Variants in CR1L observed in about 807,000 individuals in gnomAD.
CR1L encodes complement component receptor 1-like protein.
CR1L carries 59 observed loss-of-function variants against 62.3 expected under a neutral mutation model. That is an observed-to-expected ratio of 0.95 (90% CI 0.77 to 1.18). The LOEUF (loss-of-function observed/expected upper bound fraction) is 1.18, where lower values mean the gene tolerates loss of function less well. CR1L is among the 50% of genes most tolerant of loss of function. The probability of loss-of-function intolerance (pLI) is 0.00; values close to 1 mark genes in which losing one functional copy is unlikely to be tolerated. For missense variants in CR1L, 700 were observed against 702.8 expected, an observed-to-expected ratio of 1.00 and a Z score of 0.04; for synonymous variants, 279 against 248.7, an observed-to-expected ratio of 1.12 and a Z score of -1.15.
At chr1:207,650,280 C>A (rs763866946) in intron 1 of CR1L, among the ~76,000 whole-genome samples, 32 of 152,268 alleles carry the variant, frequency 2.1e-4, no homozygotes, top group Non-Finnish European at 4.0e-4. Context: ...ACAGACTCAT[C>A]AGGGATATTA....
chr1:207,673,857 T>C (rs1163065847), intron 1 of CR1L, among the ~76,000 whole-genome samples: 1 of 152,210 alleles, frequency 6.6e-6, no homozygotes, highest in African/African-American at 2.4e-5. Flanking sequence ...ACAAAAAGAC[T>C]TGTACATGAA....
intron 1 of CR1L, chr1:207,655,218 T>A: frequency 2.9e-6 from 2 of 685,948 alleles, no homozygotes; most frequent in Non-Finnish European, 5.1e-6. Flanking sequence ...AGAAATTCTA[T>A]ATTGTGAACT....
chr1:207,682,382 G>A (rs1167782762), intron 3 of CR1L, among the ~76,000 whole-genome samples: 1 of 152,128 alleles, frequency 6.6e-6, no homozygotes, highest in African/African-American at 2.4e-5. Context: ...TGAGGCAGGA[G>A]AATCACTTGA....
At chr1:207,652,698 TCA>T in intron 1 of CR1L, 1 of 930,774 alleles carries the variant, frequency 1.1e-6, no homozygotes, top group Non-Finnish European at 1.8e-6. Flanking sequence ...GTGATCGGAA[TCA>T]CACATGGCTA....
chr1:207,652,441 A>ATAAAT (rs1259283421), intron 1 of CR1L: 3 of 705,268 alleles, frequency 4.3e-6, no homozygotes, highest in Non-Finnish European at 7.7e-6. Context: ...AATCTTGCCA[A>ATAAAT]GGGCCTTCCT....
chr1:207,704,053 T>A (rs557148940), intron 9 of CR1L, among the ~76,000 whole-genome samples: 2 of 152,358 alleles, frequency 1.3e-5, no homozygotes, highest in South Asian at 4.1e-4. Flanking sequence ...ACAAAGTAAG[T>A]TGAAAACTGC....
In CR1L at chr1:207,668,544, ATTGG is replaced by A. The variant is rs577906612; in HGVS notation, c.98-8842_98-8839del. On this transcript the variant is annotated intron_variant, in intron 1 of 11. Coordinates refer to ENST00000508064, the MANE Select transcript of CR1L (RefSeq NM_175710.2). ...GAGAGACAATGGGAGATGGAGAGAG[ATTGG>A]TTAAAGGGCACAGGGTCACAGATAC... Among the ~76,000 whole-genome samples the A allele has an allele frequency of 3.1e-3, 461 of 150,990 alleles. 5 individuals carry two copies. Among genetic ancestry groups the A allele is most frequent in the Non-Finnish European group, 5.1e-3 (350 of 67,996 alleles).
At position 207,677,430 on chromosome 1, in the gene CR1L, A is replaced by G; in HGVS notation, c.139A>G (p.Thr47Ala). Residue 47 changes from threonine (T) to alanine (A), a missense_variant, in exon 2 of 12, where the codon ACC becomes GCC. Coordinates refer to ENST00000508064, the MANE Select transcript of CR1L (RefSeq NM_175710.2). ...VPEWLPFARP[T>A]NLTDDFEFPI... ...GGAATGGCTTCCATTTGCCAGGCCT[A>G]CCAACCTAACTGATGACTTTGAGTT... 6.2e-7 allele frequency: 1 copy of G among 1,613,010 alleles called. No homozygotes were observed. The highest frequency in any genetic ancestry group is 8.5e-7 in the Non-Finnish European group (1 of 1,179,710).
At chr1:207,697,409 T>C in intron 5 of CR1L, 94 bp from the exon 6 acceptor site, 1 of 1,607,788 alleles carries the variant, frequency 6.2e-7, no homozygotes. Flanking sequence ...TTTTGTTACA[T>C]ATAGATTTGT....
In CR1L at chr1:207,684,984, A is replaced by G. The variant is rs568341789; in HGVS notation, c.463+1027A>G. ...ATTGGTCACACATTTATTGCTGTTT[A>G]TCCACTTTAAGAAACAGTTTTGCTA... On this transcript the variant is annotated intron_variant, in intron 4 of 11. Transcript: ENST00000508064. Among the ~76,000 whole-genome samples the G allele has an allele frequency of 4.6e-5, 7 of 152,310 alleles. No individual in the cohort carries two copies. The East Asian group carries it at 1.3e-3, about 29-fold the overall frequency.
chr1:207,722,706 G>T (rs550194652), intron 11 of CR1L, among the ~76,000 whole-genome samples: 1 of 152,242 alleles, frequency 6.6e-6, no homozygotes, highest in Non-Finnish European at 1.5e-5. Context: ...AAAAAGTAAG[G>T]ATGTAATGTA....
At position 207,699,271 on chromosome 1, in the gene CR1L, G is replaced by A. The variant is rs766877113; in HGVS notation, c.1225G>A (p.Glu409Lys). The A allele has an allele frequency of 6.2e-7, 1 of 1,613,704 alleles. No homozygotes were observed. Among genetic ancestry groups the A allele is most frequent in the South Asian group, 1.1e-5 (1 of 91,072 alleles). The part of the protein sequence containing the change: ...SLWNSSVPVC[E>K]RKSCETPPVP... ...TTGGAATAGCAGTGTTCCAGTGTGT[G>A]AACGTAAGTAATAGGAGTAACATTT... is the stretch of plus-strand genomic sequence containing the variant. Residue 409 changes from glutamate (E) to lysine (K), a missense_variant, in exon 8 of 12, where the codon GAA (glutamate) becomes AAA (lysine). Transcript: ENST00000508064.
At chr1:207,715,113 A>C (rs1571537734) in intron 10 of CR1L, among the ~76,000 whole-genome samples, 1 of 152,196 alleles carries the variant, frequency 6.6e-6, no homozygotes, top group Admixed American at 6.5e-5. Context: ...TTTAGAATAA[A>C]TTGGCCTTTG....
At chr1:207,702,736 C>G (rs766961161) in intron 9 of CR1L, among the ~76,000 whole-genome samples, 7 of 152,170 alleles carry the variant, frequency 4.6e-5, no homozygotes, top group East Asian at 1.9e-4. Context: ...GAGCAAGGCC[C>G]TAACTCTCTT....
chr1:207,697,254 C>T (rs1664112321), intron 5 of CR1L, among the ~76,000 whole-genome samples: 1 of 152,152 alleles, frequency 6.6e-6, no homozygotes, highest in South Asian at 2.1e-4. Context: ...TAGTTGCATA[C>T]TTTAGATGTA....
chr1:207,677,437 T>C lies in CR1L; in HGVS notation c.146T>C (p.Leu49Pro), dbSNP rs1663713043. 6.2e-7 allele frequency: 1 copy of C among 1,600,564 alleles called. No homozygotes were observed. Among genetic ancestry groups the C allele is most frequent in the African/African-American group, 1.3e-5 (1 of 74,346 alleles). The change falls in exon 2 of 12, where the codon CTA becomes CCA. Residue 49 changes from leucine to proline, a missense_variant. Coordinates refer to ENST00000508064, the MANE Select transcript of CR1L (RefSeq NM_175710.2). Reference sequence around the variant, plus strand: ...CTTCCATTTGCCAGGCCTACCAACCTAACTGATGACTTTGAGTTTCCCATT... The same window carrying C: ...CTTCCATTTGCCAGGCCTACCAACCCAACTGATGACTTTGAGTTTCCCATT... ...EWLPFARPTN[L>P]TDDFEFPIGT... is the part of the protein sequence containing the mutation.
At chr1:207,663,612 C>T (rs1035417503) in intron 1 of CR1L, among the ~76,000 whole-genome samples, 1 of 152,242 alleles carries the variant, frequency 6.6e-6, no homozygotes, top group African/African-American at 2.4e-5. Flanking sequence ...ATGCCTCGCC[C>T]TGCTTCGGCT....
chr1:207,718,902 T>C lies in CR1L; in HGVS notation c.1642+1211T>C, dbSNP rs1654069459. On this transcript the variant is annotated intron_variant, in intron 11 of 11. Transcript: ENST00000508064. The stretch of plus-strand genomic sequence containing the variant: ...GACTGGATTAAGAAAATGTGGCACA[T>C]ATACACCATGGAATACTATGCAGCC... Among the ~76,000 whole-genome samples, 3 of 149,860 alleles carry C rather than the reference T, an allele frequency of 2.0e-5. No homozygotes were observed. The South Asian group carries it at 6.4e-4, about 32-fold the overall frequency.
At chr1:207,659,223 C>G (rs1245439205) in intron 1 of CR1L, 1 of 152,534 alleles carries the variant, frequency 6.6e-6, no homozygotes. Context: ...AGCCCACTGC[C>G]CAGCCTTGCC....
Sources: allele counts gnomAD v4.1 joint callset (sites outside exome capture counted in the v4.1 genomes callset), GRCh38; gene constraint gnomAD v4.1.1; transcripts MANE v1.5; gene names NCBI Gene and HGNC (gene_info 2026-07-23, HGNC 2026-07-21).